Variants in ATP2B4 observed in about 807,000 individuals in gnomAD.
ATP2B4 encodes plasma membrane calcium-transporting ATPase 4.
ATP2B4 carries 39 observed loss-of-function variants against 110.3 expected under a neutral mutation model. The observed-to-expected ratio is 0.35, with a 90% CI of 0.27 to 0.46. The LOEUF (loss-of-function observed/expected upper bound fraction) is 0.46, where lower values mean the gene tolerates loss of function less well. ATP2B4 is among the 20% of genes least tolerant of loss of function. The pLI is 1.00. For missense variants in ATP2B4, 1,135 were observed against 1,530.9 expected, an observed-to-expected ratio of 0.74 and a Z score of 4.32; for synonymous variants, 538 against 571.7, an observed-to-expected ratio of 0.94 and a Z score of 0.84.
chr1:203,729,667 C>T, intron 20 of ATP2B4: 2 of 1,243,096 alleles, frequency 1.6e-6, no homozygotes, highest in South Asian at 2.4e-5. Flanking sequence ...GTGGCTGCCT[C>T]ACCTATCCAG....
intron 18 of ATP2B4, among the ~76,000 whole-genome samples, chr1:203,722,937 C>T (rs1456205394): frequency 6.6e-6 from 1 of 152,170 alleles, no homozygotes; most frequent in East Asian, 1.9e-4. Context: ...TTCTAAAATC[C>T]TTTCATGATC....
At chr1:203,628,906 G>T (rs774833160) in intron 1 of ATP2B4, among the ~76,000 whole-genome samples, 7 of 152,164 alleles carry the variant, frequency 4.6e-5, no homozygotes, top group Admixed American at 1.3e-4. Context: ...GGAGGGGCAG[G>T]AAGGATGGTG....
intron 15 of ATP2B4, among the ~76,000 whole-genome samples, chr1:203,716,100 G>A (rs75208337): frequency 0.018 from 2,608 of 144,516 alleles, 319 homozygotes; most frequent in African/African-American, 0.063. Context: ...TCTATGTTGG[G>A]AGTCCCCAAA....
chr1:203,673,195 G>C (rs1381466298), intron 1 of ATP2B4, among the ~76,000 whole-genome samples: 1 of 152,190 alleles, frequency 6.6e-6, no homozygotes, highest in Non-Finnish European at 1.5e-5. Flanking sequence ...TAAGGAACTT[G>C]TTAGGAGTGC....
At chr1:203,719,705 ACT>A (rs1284884923) in intron 15 of ATP2B4, among the ~76,000 whole-genome samples, 1 of 146,372 alleles carries the variant, frequency 6.8e-6, no homozygotes, top group East Asian at 2.0e-4. Flanking sequence ...ACAGAGGGAG[ACT>A]CTGTCTCAAA....
chr1:203,713,357 G>A, intron 14 of ATP2B4, 105 bp downstream of exon 14: 2 of 1,258,694 alleles, frequency 1.6e-6, no homozygotes, highest in Non-Finnish European at 2.3e-6. Flanking sequence ...AAATAGGGAG[G>A]TCCTAGGAGA....
chr1:203,658,114 T>C (rs1479407588), intron 1 of ATP2B4, among the ~76,000 whole-genome samples: 1 of 152,142 alleles, frequency 6.6e-6, no homozygotes, highest in Non-Finnish European at 1.5e-5. Context: ...TTATATGCAC[T>C]GAGAAACCAA....
chr1:203,680,330 G>C (rs1478767494), intron 1 of ATP2B4, among the ~76,000 whole-genome samples: 1 of 152,096 alleles, frequency 6.6e-6, no homozygotes, highest in Non-Finnish European at 1.5e-5. Flanking sequence ...AAATTAGGCG[G>C]CTGGGCGCGG....
rs531613629 is a variant in ATP2B4, at chr1:203,643,553, G to A, written c.-465+16334G>A. ...GAAGTGGCAGCTTAGCCAAGATAAT[G>A]CGTGAACCAGAACTTGCCTTTCCTG... On this transcript the variant is annotated intron_variant, in intron 1 of 20. Transcript: ENST00000357681. 3.9e-4 allele frequency among the ~76,000 whole-genome samples: 59 copies of A among 152,308 alleles called. 1 individual carries two copies. The Middle Eastern group carries it at 0.01, about 26-fold the overall frequency.
chr1:203,702,022 T>C, intron 6 of ATP2B4, 22 bp from the exon 7 acceptor site: 1 of 1,613,980 alleles, frequency 6.2e-7, no homozygotes, highest in South Asian at 1.1e-5. Flanking sequence ...CGACCCCACT[T>C]TTTTCTTTCT....
chr1:203,725,904 C>CTT (rs756184004), intron 19 of ATP2B4, among the ~76,000 whole-genome samples: 21,712 of 92,936 alleles, frequency 0.23, 3,181 homozygotes, highest in Admixed American at 0.3. Flanking sequence ...CTTTTCTTTT[C>CTT]TTTTTTTTTT....
At chr1:203,689,425 G>T (rs897037428) in intron 2 of ATP2B4, among the ~76,000 whole-genome samples, 5 of 152,226 alleles carry the variant, frequency 3.3e-5, no homozygotes, top group South Asian at 2.1e-4. Flanking sequence ...TGGAGGCAAG[G>T]TCTGGGCCCA....
chr1:203,699,483 C>T lies in ATP2B4; in HGVS notation c.415C>T (p.Pro139Ser), dbSNP rs758844046. 8.7e-6 allele frequency: 14 copies of T among 1,614,110 alleles called. No homozygotes were observed. The Admixed American group carries it at 2.3e-4, about 27-fold the overall frequency. The change falls in exon 4 of 21, where the codon CCA becomes TCA. Residue 139 changes from proline to serine, a missense_variant. Pro to Ser is a moderately conservative substitution (Grantham distance 74, BLOSUM62 -1). Coordinates refer to ENST00000357681, the MANE Select transcript of ATP2B4 (RefSeq NM_001684.5). ...AGTGTGTGGTCAAGTCGCAACTACC[C>T]CAGAAGATGAAAATGAGGCACAAGC... The part of the protein sequence containing the change: ...NELCGQVATT[P>S]EDENEAQAGW...
At chr1:203,720,420 TTTG>T in intron 15 of ATP2B4, 126 bp from the exon 16 acceptor site, 2 of 901,976 alleles carry the variant, frequency 2.2e-6, no homozygotes, top group South Asian at 2.1e-5. Context: ...ACATTTGCTC[TTTG>T]TTTTCTTTTG....
intron 1 of ATP2B4, among the ~76,000 whole-genome samples, chr1:203,654,887 GAAAAAAA>G (rs1161772363): frequency 1.6e-4 from 12 of 74,742 alleles, no homozygotes; most frequent in Admixed American, 1.0e-3. Flanking sequence ...ACCTCGTCTG[GAAAAAAA>G]AAAAAAAAAA....
At chr1:203,682,429 G>T (rs978562994) in intron 1 of ATP2B4, among the ~76,000 whole-genome samples, 5 of 152,182 alleles carry the variant, frequency 3.3e-5, no homozygotes, top group Non-Finnish European at 5.9e-5. Flanking sequence ...ATCAGAGGTC[G>T]TAACCATTTA....
At chr1:203,697,562 G>A (rs770565655) in intron 2 of ATP2B4, among the ~76,000 whole-genome samples, 2 of 152,208 alleles carry the variant, frequency 1.3e-5, no homozygotes, top group Admixed American at 1.3e-4. Flanking sequence ...TAAGATAAGT[G>A]AGTGGTCCCA....
At position 203,711,025 on chromosome 1, in the gene ATP2B4, C is replaced by T. The variant is rs921226900; in HGVS notation, c.1948C>T (p.Pro650Ser). The change falls in exon 12 of 21, where the codon CCC becomes TCC. Residue 650 changes from proline (P) to serine (S), a missense_variant. By Grantham distance (74) the Pro-to-Ser change is moderately conservative. This residue lies in a region of ATP2B4 where 368 missense variants were observed against 455.9 expected (regional missense o/e 0.81). Transcript: ENST00000357681. ...IAYRDFDDTEPSWDNENEILT... is the reference protein window; with the variant it reads ...IAYRDFDDTESSWDNENEILT... Reference sequence around the variant, plus strand: ...TTACCGGGACTTCGATGACACAGAGCCCTCTTGGGACAATGAGAATGAGAT... The same window carrying T: ...TTACCGGGACTTCGATGACACAGAGTCCTCTTGGGACAATGAGAATGAGAT... The T allele has an allele frequency of 1.9e-6, 3 of 1,613,928 alleles. No individual in the cohort carries two copies. The highest frequency in any genetic ancestry group is 2.7e-5 in the African/African-American group (2 of 74,888).
intron 1 of ATP2B4, among the ~76,000 whole-genome samples, chr1:203,635,642 C>A (rs926596628): frequency 4.0e-5 from 6 of 151,868 alleles, no homozygotes; most frequent in African/African-American, 1.5e-4. Context: ...CAGAGTGAGA[C>A]CCTGTCTCAA....
Sources: gnomAD v4.1 joint callset for allele counts (sites outside exome capture counted in the v4.1 genomes callset) on GRCh38, gnomAD v4.1.1 for gene constraint, gnomAD v4.1.1 regional missense constraint, MANE v1.5 for transcripts, NCBI Gene and HGNC (gene_info 2026-07-23, HGNC 2026-07-21) for gene names.